Variants in CATSPERG observed in about 807,000 individuals in gnomAD.
CATSPERG encodes catsper channel auxiliary subunit gamma.
CATSPERG carries 115 observed loss-of-function variants against 145.0 expected under a neutral mutation model. The observed-to-expected ratio is 0.79, with a 90% confidence interval of 0.68 to 0.93. The LOEUF is 0.93. CATSPERG is among the 40% of genes least tolerant of loss of function. CATSPERG has a pLI of 0.00. For synonymous variants in CATSPERG, 588 were observed against 589.0 expected (o/e 1.00, Z 0.02); for missense variants, 1,296 against 1,490.1 (o/e 0.87, Z 2.14).
rs748800518 is a variant in CATSPERG, at chr19:38,367,362, A to T, written c.2770+50A>T. On this transcript the variant is annotated intron_variant, in intron 23 of 28. Transcript: ENST00000409235. ...CACAGTTCACTGCCCTCTTGCCCCC[A>T]CTACTTTGTGCTCTCCCTCCCCATT... The T allele has an allele frequency of 7.7e-5, 123 of 1,587,470 alleles. 1 individual carries two copies. In the South Asian group the frequency reaches 1.1e-3, roughly 14 times the overall value.
intron 8 of CATSPERG, among the ~76,000 whole-genome samples, chr19:38,353,575 T>A (rs1160305455): frequency 6.7e-6 from 1 of 149,828 alleles, no homozygotes; most frequent in Non-Finnish European, 1.5e-5. Flanking sequence ...CACATGCCTG[T>A]AGTCCCAGCT....
At chr19:38,341,582 A>G (rs1190263929) in intron 3 of CATSPERG, among the ~76,000 whole-genome samples, 1 of 152,048 alleles carries the variant, frequency 6.6e-6, no homozygotes, top group African/African-American at 2.4e-5. Flanking sequence ...TGGACAACAT[A>G]GGGAGACCCT....
rs759951850 is a variant in CATSPERG, at chr19:38,364,990, G to A, written c.2556+19G>A. The A allele has an allele frequency of 1.2e-6, 2 of 1,613,532 alleles. No individual in the cohort carries two copies. The highest frequency in any genetic ancestry group is 2.7e-5 in the African/African-American group (2 of 74,900). ...GGTCAATGTGAGGTCCAAGCCTGGA[G>A]GGGAGGGTGCAGGATGGTGGGAAAG... On this transcript the variant is annotated intron_variant, in intron 21 of 28. Coordinates refer to ENST00000409235, the MANE Select transcript of CATSPERG (RefSeq NM_021185.5).
chr19:38,362,819 C>A lies in CATSPERG; in HGVS notation c.2462C>A (p.Ser821Ter). 6 of 1,603,540 alleles carry A rather than the reference C, an allele frequency of 3.7e-6. No homozygotes were observed. Among genetic ancestry groups the A allele is most frequent in the Non-Finnish European group, 5.1e-6 (6 of 1,173,502 alleles). Residue 821 changes from serine to a stop codon, truncating the protein, a stop_gained, in exon 20 of 29, where the codon TCG becomes TAG. Coordinates refer to ENST00000409235, the MANE Select transcript of CATSPERG (RefSeq NM_021185.5). LOFTEE classifies it high-confidence loss of function. ...VKQEVLINRN[S>*]VLFSITLKDK... ...CAGGAGGTCCTGATTAATCGCAACTCGGTGCTATTTTCGGTGAGGCCCCCC... is the reference window on the plus strand; with the variant it reads ...CAGGAGGTCCTGATTAATCGCAACTAGGTGCTATTTTCGGTGAGGCCCCCC...
intron 10 of CATSPERG, 76 bp from the exon 11 acceptor site, chr19:38,356,665 TG>T: frequency 6.3e-7 from 1 of 1,596,768 alleles, no homozygotes; most frequent in East Asian, 2.2e-5. Flanking sequence ...GGGTGAGTTA[TG>T]GGGAGGGGTA....
chr19:38,370,887 T>C lies in CATSPERG; in HGVS notation c.*95T>C. On this transcript the variant is annotated 3_prime_UTR_variant, in exon 29 of 29. Coordinates refer to ENST00000409235, the MANE Select transcript of CATSPERG (RefSeq NM_021185.5). ...CTGTCACCCAGCCCAGGCCTCTCTT[T>C]CTGTTTTGCTTGATGTTTACTTCTC... 2.9e-6 allele frequency: 4 copies of C among 1,369,776 alleles called. No individual in the cohort carries two copies. The highest frequency in any genetic ancestry group is 4.0e-6 in the Non-Finnish European group (4 of 990,628). 84.9% of individuals were successfully genotyped at this position (1,369,776 alleles called of 1,614,324 possible). A position where few individuals can be genotyped will look rare whatever the true frequency, so the allele number is the denominator to read the frequency against.
intron 16 of CATSPERG, among the ~76,000 whole-genome samples, 194 bp from the exon 17 acceptor site, chr19:38,361,454 G>T (rs1970342740): frequency 1.3e-5 from 2 of 151,946 alleles, no homozygotes; most frequent in South Asian, 2.1e-4. Flanking sequence ...GAGGACTCTG[G>T]TCTCAGGGAT....
chr19:38,361,515 G>C, intron 16 of CATSPERG, 133 bp from the exon 17 acceptor site: 6 of 717,044 alleles, frequency 8.4e-6, no homozygotes. Context: ...GGGCAGCAGG[G>C]GCTGACGCTG....
At chr19:38,348,335 ATTGT>A (rs553109039) in intron 7 of CATSPERG, among the ~76,000 whole-genome samples, 3 of 150,778 alleles carry the variant, frequency 2.0e-5, no homozygotes, top group Non-Finnish European at 4.4e-5. Flanking sequence ...ATTTTAAAAA[ATTGT>A]TTGTAGAGAC....
At chr19:38,340,661 C>T (rs2145061846) in intron 3 of CATSPERG, among the ~76,000 whole-genome samples, 1 of 152,060 alleles carries the variant, frequency 6.6e-6, no homozygotes, top group African/African-American at 2.4e-5. Context: ...GCGCTGTCAC[C>T]CAGGCTGAAA....
chr19:38,336,616 G>C, intron 1 of CATSPERG: 1 of 238,866 alleles, frequency 4.2e-6, no homozygotes, highest in African/African-American at 2.3e-5. Context: ...CGAGGAGAAA[G>C]CGGCGATACC....
intron 11 of CATSPERG, chr19:38,358,037 G>GC (rs1970277119): frequency 3.9e-6 from 2 of 513,002 alleles, no homozygotes; most frequent in African/African-American, 3.8e-5. Context: ...AGGATCACTT[G>GC]AACCGAGGAG....
intron 5 of CATSPERG, 58 bp downstream of exon 5, chr19:38,344,177 G>A (rs1969986864): frequency 1.9e-6 from 3 of 1,548,134 alleles, no homozygotes; most frequent in African/African-American, 2.7e-5. Context: ...TCACCCCAGG[G>A]TCCCCAGAGG....
intron 7 of CATSPERG, 59 bp downstream of exon 7, chr19:38,346,664 C>T (rs966284144): frequency 6.8e-7 from 1 of 1,476,108 alleles, no homozygotes; most frequent in African/African-American, 1.4e-5. Context: ...GGCCTCAGCC[C>T]CTGAAATAAG....
At chr19:38,363,654 G>T (rs940888312) in intron 20 of CATSPERG, among the ~76,000 whole-genome samples, 2 of 151,920 alleles carry the variant, frequency 1.3e-5, no homozygotes, top group South Asian at 2.1e-4. Context: ...AGATTAGGGA[G>T]TGGTGATGAC....
intron 11 of CATSPERG, 81 bp from the exon 12 acceptor site, chr19:38,358,197 A>C: frequency 7.0e-7 from 1 of 1,424,418 alleles, no homozygotes; most frequent in Non-Finnish European, 9.9e-7. Flanking sequence ...CAGGAGGCTG[A>C]GAAGCAAACA....
intron 7 of CATSPERG, among the ~76,000 whole-genome samples, chr19:38,347,321 C>T (rs574909207): frequency 2.6e-5 from 4 of 151,782 alleles, no homozygotes; most frequent in South Asian, 4.2e-4. Context: ...GAGCTTGCAG[C>T]GAGCCAAGAT....
intron 3 of CATSPERG, 54 bp from the exon 4 acceptor site, chr19:38,343,526 G>A: frequency 6.8e-7 from 1 of 1,474,692 alleles, no homozygotes; most frequent in Admixed American, 2.3e-5. Flanking sequence ...CTTAAGGCAG[G>A]GGGCACCCAG....
chr19:38,370,300 G>A (rs1970524232), intron 28 of CATSPERG, 42 bp downstream of exon 28: 1 of 1,565,406 alleles, frequency 6.4e-7, no homozygotes, highest in Non-Finnish European at 8.8e-7. Context: ...GTGGGCAGGG[G>A]CCCACGCCTC....
Sources: gnomAD v4.1 joint callset for allele counts (sites outside exome capture counted in the v4.1 genomes callset) on GRCh38, gnomAD v4.1.1 for gene constraint, MANE v1.5 for transcripts, NCBI Gene and HGNC (gene_info 2026-07-23, HGNC 2026-07-21) for gene names.